CSMD1: variants seen among roughly 807,000 people sequenced by gnomAD.
CSMD1 encodes the protein CUB and Sushi multiple domains 1.
Under a neutral mutation model 417.5 loss-of-function variants are expected in CSMD1, and 213 were observed. That is an observed-to-expected ratio of 0.51 (90% CI 0.46 to 0.57). The LOEUF (loss-of-function observed/expected upper bound fraction) is 0.57. Among genes scored for constraint, CSMD1 ranks in the 20% least tolerant of loss-of-function variants. CSMD1 has a pLI of 0.00. For missense variants in CSMD1, 6,923 were observed against 4,529.7 expected, an observed-to-expected ratio of 1.53 and a Z score of -15.17; for synonymous variants, 2,862 against 1,736.8, an observed-to-expected ratio of 1.65 and a Z score of -16.11.
chr8:4,260,675 G>A (rs533954563), intron 3 of CSMD1, among the ~76,000 whole-genome samples: 5 of 152,054 alleles, frequency 3.3e-5, no homozygotes, highest in South Asian at 4.1e-4. Flanking sequence ...CAGTTTTTGC[G>A]AGAGGTTAAT....
At chr8:3,997,640 A>G (rs185872939) in intron 5 of CSMD1, among the ~76,000 whole-genome samples, 65 of 152,336 alleles carry the variant, frequency 4.3e-4, no homozygotes, top group African/African-American at 1.4e-3. Context: ...GGTTGCTTTA[A>G]AACAGTCCAA....
chr8:4,076,761 C>A (rs1220043905), intron 3 of CSMD1, among the ~76,000 whole-genome samples: 2 of 152,160 alleles, frequency 1.3e-5, no homozygotes, highest in African/African-American at 4.8e-5. Flanking sequence ...AATGACCTCA[C>A]ATTTCAGGCT....
chr8:3,669,723 G>A (rs1288420389), intron 7 of CSMD1, among the ~76,000 whole-genome samples: 1 of 152,050 alleles, frequency 6.6e-6, no homozygotes, highest in Non-Finnish European at 1.5e-5. Flanking sequence ...AAAGAGGAAG[G>A]CCAGGAGGAC....
intron 5 of CSMD1, among the ~76,000 whole-genome samples, chr8:3,843,071 T>C (rs1585078165): frequency 6.6e-6 from 1 of 152,310 alleles, no homozygotes; most frequent in South Asian, 2.1e-4. Context: ...AATGAGTTTC[T>C]ATTTCAGTAT....
At chr8:4,816,083 G>C (rs1441318051) in intron 1 of CSMD1, among the ~76,000 whole-genome samples, 1 of 152,188 alleles carries the variant, frequency 6.6e-6, no homozygotes, top group Non-Finnish European at 1.5e-5. Context: ...TTAGGGAGCA[G>C]AACTGGGCAG....
At chr8:4,308,428 T>C (rs777768249) in intron 3 of CSMD1, among the ~76,000 whole-genome samples, 14 of 152,008 alleles carry the variant, frequency 9.2e-5, no homozygotes, top group Admixed American at 5.9e-4. Context: ...GTGGAAAGTC[T>C]GATGATGGGA....
chr8:3,351,983 T>C (rs1808456201), intron 21 of CSMD1, among the ~76,000 whole-genome samples: 2 of 152,134 alleles, frequency 1.3e-5, no homozygotes, highest in African/African-American at 2.4e-5. Context: ...ACAGTTTTGT[T>C]TTTGCTTTGT....
intron 50 of CSMD1, among the ~76,000 whole-genome samples, chr8:3,045,807 C>T (rs1043837036): frequency 6.6e-6 from 1 of 152,150 alleles, no homozygotes; most frequent in Non-Finnish European, 1.5e-5. Context: ...AATTACTCAA[C>T]TCATGCCTTC....
At chr8:3,308,287 A>G (rs77252802) in intron 24 of CSMD1, 25 bp downstream of exon 24, 165,102 of 1,575,908 alleles carry the variant, frequency 0.1, 9,912 homozygotes, top group Non-Finnish European at 0.12. Flanking sequence ...CTTTTGCACA[A>G]TGGTATGACT....
rs1000772069 is a variant in CSMD1 at position 3,650,584 on chromosome 8, C to A, written c.1010-33787G>T. ...TACAGATTGTATACTGCTAGTTATT[C>A]TGAGTACATATGATGCTTGCCATGA... On this transcript the variant is annotated intron_variant, in intron 7 of 69. Coordinates refer to ENST00000635120, the MANE Select transcript of CSMD1 (RefSeq NM_033225.6). 3.9e-5 allele frequency among the ~76,000 whole-genome samples: 6 copies of A among 152,242 alleles called. No homozygotes were observed. In the East Asian group the frequency reaches 1.2e-3, roughly 29 times the overall value.
At chr8:3,443,150 C>T (rs1371387378) in intron 12 of CSMD1, among the ~76,000 whole-genome samples, 2 of 152,188 alleles carry the variant, frequency 1.3e-5, no homozygotes, top group East Asian at 1.9e-4. Flanking sequence ...GTACACTGCA[C>T]ACCACGTGTC....
chr8:3,927,343 A>G (rs1409721167), intron 5 of CSMD1, among the ~76,000 whole-genome samples: 2 of 151,942 alleles, frequency 1.3e-5, no homozygotes, highest in East Asian at 1.9e-4. Flanking sequence ...TGAGTATTCA[A>G]TGGAAAAAGG....
At chr8:2,987,654 C>A (rs967049300) in intron 54 of CSMD1, among the ~76,000 whole-genome samples, 3 of 152,262 alleles carry the variant, frequency 2.0e-5, no homozygotes, top group African/African-American at 7.2e-5. Context: ...AACATAAAAT[C>A]GGAGGATGAA....
intron 27 of CSMD1, among the ~76,000 whole-genome samples, chr8:3,225,164 G>A (rs954482575): frequency 2.0e-5 from 3 of 152,030 alleles, no homozygotes; most frequent in African/African-American, 7.2e-5. Context: ...AATAAGGAGT[G>A]CCTCTTTAAA....
At chr8:3,612,339 C>A (rs181599826) in intron 8 of CSMD1, among the ~76,000 whole-genome samples, 1 of 152,044 alleles carries the variant, frequency 6.6e-6, no homozygotes, top group Admixed American at 6.6e-5. Flanking sequence ...GAGAAATAGA[C>A]AGATTCACAA....
At chr8:4,008,066 G>A (rs1816265550) in intron 4 of CSMD1, among the ~76,000 whole-genome samples, 1 of 152,208 alleles carries the variant, frequency 6.6e-6, no homozygotes, top group Non-Finnish European at 1.5e-5. Flanking sequence ...AAAACCACAA[G>A]TCCAGGAGGT....
At chr8:3,326,326 T>C (rs549162050) in intron 23 of CSMD1, among the ~76,000 whole-genome samples, 1 of 152,226 alleles carries the variant, frequency 6.6e-6, no homozygotes, top group Non-Finnish European at 1.5e-5. Context: ...TGTGTCACTG[T>C]CTTTTCTTAC....
intron 5 of CSMD1, among the ~76,000 whole-genome samples, chr8:3,882,792 A>G (rs1806291905): frequency 6.6e-6 from 1 of 152,198 alleles, no homozygotes. Context: ...TGCAAAATCT[A>G]CAGTGTCATT....
chr8:4,225,215 A>G (rs1445558995), intron 3 of CSMD1, among the ~76,000 whole-genome samples: 2 of 152,238 alleles, frequency 1.3e-5, no homozygotes, highest in Non-Finnish European at 1.5e-5. Context: ...TCCATAAACC[A>G]GAGACGGCTA....
Sources: allele counts gnomAD v4.1 joint callset (sites outside exome capture counted in the v4.1 genomes callset), GRCh38; gene constraint gnomAD v4.1.1; transcripts MANE v1.5; gene names NCBI Gene and HGNC (gene_info 2026-07-23, HGNC 2026-07-21).